Variants in PLEKHA8 observed in about 807,000 individuals in gnomAD.
PLEKHA8 encodes pleckstrin homology domain-containing family A member 8.
Under a neutral mutation model 68.2 loss-of-function variants are expected in PLEKHA8, and 36 were observed. The ratio of observed to expected loss-of-function variants is 0.53; its 90% CI spans 0.40 to 0.70. PLEKHA8 has a LOEUF of 0.70. Among genes scored for constraint, PLEKHA8 ranks in the 30% least tolerant of loss-of-function variants. PLEKHA8 has a pLI of 0.00. For synonymous variants in PLEKHA8, 211 were observed against 216.1 expected (o/e 0.98, Z 0.20); for missense variants, 505 against 615.4 (o/e 0.82, Z 1.90).
At chr7:30,090,314 A>T in exon 13 of PLEKHA8, 1 of 1,054,926 alleles carries the variant, frequency 9.5e-7, no homozygotes. Context: ...ACAATGGGGG[A>T]GTATTTCCGA....
intron 13 of PLEKHA8, among the ~76,000 whole-genome samples, chr7:30,114,292 A>G (rs1796359979): frequency 6.6e-6 from 1 of 152,182 alleles, no homozygotes; most frequent in African/African-American, 2.4e-5. Flanking sequence ...AACACACTTA[A>G]TCCTTACAAT....
chr7:30,112,410 T>C (rs1796302907), intron 13 of PLEKHA8, among the ~76,000 whole-genome samples: 1 of 151,946 alleles, frequency 6.6e-6, no homozygotes, highest in Admixed American at 6.6e-5. Flanking sequence ...AAAATACTTC[T>C]AAATGATTCA....
In PLEKHA8 at chr7:30,084,606, T is replaced by C. The variant is rs1396566815; in HGVS notation, c.*5819T>C. On this transcript the variant is annotated 3_prime_UTR_variant, in exon 14 of 14. Transcript: ENST00000449726. ...TTGCAAAAATGTTTGAAAATATCTG[T>C]CAGATTTTATATTCGTTAGTTATAA... The C allele has an allele frequency of 2.0e-5, 19 of 945,728 alleles. No homozygotes were observed. Among genetic ancestry groups the C allele is most frequent in the Non-Finnish European group, 2.4e-5 (19 of 794,140 alleles). 58.6% of individuals were successfully genotyped at this position (945,728 alleles called of 1,614,324 possible).
At chr7:30,032,681 G>A (rs1045683698) in intron 1 of PLEKHA8, among the ~76,000 whole-genome samples, 2 of 152,200 alleles carry the variant, frequency 1.3e-5, no homozygotes, top group African/African-American at 4.8e-5. Flanking sequence ...ACCTAGAATA[G>A]CAGACTATTT....
chr7:30,081,579 C>G lies in PLEKHA8; in HGVS notation c.*2792C>G. On this transcript the variant is annotated 3_prime_UTR_variant, in exon 14 of 14. Transcript: ENST00000449726. ...CCATAGCCCTCCAAGACTTCTGGGA[C>G]AACTAAATTTACTTTCACCATTACT... is the stretch of plus-strand genomic sequence containing the variant. 7 of 985,134 alleles carry G rather than the reference C, an allele frequency of 7.1e-6. No homozygotes were observed. Among genetic ancestry groups the G allele is most frequent in the Non-Finnish European group, 8.4e-6 (7 of 829,672 alleles). 61.0% of individuals were successfully genotyped at this position (985,134 alleles called of 1,614,324 possible). A position where few individuals can be genotyped will look rare whatever the true frequency, so the allele number is the denominator to read the frequency against.
chr7:30,065,265 T>C (rs1482848489), intron 12 of PLEKHA8, among the ~76,000 whole-genome samples: 1 of 152,188 alleles, frequency 6.6e-6, no homozygotes, highest in Non-Finnish European at 1.5e-5. Context: ...AAATTTGACA[T>C]TTTTGTCCTG....
intron 12 of PLEKHA8, among the ~76,000 whole-genome samples, chr7:30,067,571 C>T (rs1793941812): frequency 6.6e-6 from 1 of 152,228 alleles, no homozygotes. Flanking sequence ...CGTGTCACTC[C>T]TTAATCCCGT....
intron 9 of PLEKHA8, among the ~76,000 whole-genome samples, chr7:30,056,739 AAAAGTGT>A (rs1389326727): frequency 9.6e-5 from 9 of 93,594 alleles, no homozygotes; most frequent in East Asian, 4.0e-4. Context: ...AAAAAAAAAA[AAAAGTGT>A]GTGTGTGTGT....
chr7:30,096,683 G>T (rs1052033369), intron 13 of PLEKHA8, among the ~76,000 whole-genome samples: 3 of 152,116 alleles, frequency 2.0e-5, no homozygotes, highest in Admixed American at 6.5e-5. Context: ...TTGCTTGGTA[G>T]ATCTTCCTCC....
chr7:30,047,932 C>T lies in PLEKHA8; in HGVS notation c.414C>T (p.Thr138=). The T allele has an allele frequency of 6.3e-7, 1 of 1,595,908 alleles. No individual in the cohort carries two copies. The highest frequency in any genetic ancestry group is 8.6e-7 in the Non-Finnish European group (1 of 1,166,494). The change falls in exon 4 of 14, where the codon ACC becomes ACT. Residue 138 remains threonine (T), a synonymous_variant. Coordinates refer to ENST00000449726, the MANE Select transcript of PLEKHA8 (RefSeq NM_001197026.2). Reference sequence around the variant, plus strand: ...AAGTAGATAAAACAAAAGAAGTGACCACAACTGGTGTGTCCAATTCTGAGG... The same window carrying T: ...AAGTAGATAAAACAAAAGAAGTGACTACAACTGGTGTGTCCAATTCTGAGG... The part of the protein sequence containing the change: ...VQQVDKTKEV[T]TTGVSNSEEG...
chr7:30,115,949 CGCAT>C (rs1796492716), intron 13 of PLEKHA8: 2 of 124,222 alleles, frequency 1.6e-5, no homozygotes, highest in Admixed American at 7.7e-5. Flanking sequence ...TGCACACATA[CGCAT>C]ACATGCATGC....
At chr7:30,033,725 A>G (rs1262279306) in intron 1 of PLEKHA8, among the ~76,000 whole-genome samples, 1 of 152,128 alleles carries the variant, frequency 6.6e-6, no homozygotes, top group Non-Finnish European at 1.5e-5. Context: ...TTGAGAGACT[A>G]CCAAATAGTT....
At chr7:30,045,981 G>A (rs1791923508) in intron 2 of PLEKHA8, among the ~76,000 whole-genome samples, 1 of 152,202 alleles carries the variant, frequency 6.6e-6, no homozygotes, top group African/African-American at 2.4e-5. Context: ...TGAAGTTTTT[G>A]TGATGCCTTG....
chr7:30,082,450 G>C lies in PLEKHA8; in HGVS notation c.*3663G>C, dbSNP rs753877899. 4.0e-4 allele frequency: 391 copies of C among 985,214 alleles called. 1 individual carries two copies. Among genetic ancestry groups the C allele is most frequent in the Non-Finnish European group, 4.5e-4 (373 of 829,952 alleles). The allele number at this position is 985,214 out of a possible 1,614,324, so 61.0% of individuals were successfully genotyped here. A position where few individuals can be genotyped will look rare whatever the true frequency, so the allele number is the denominator to read the frequency against. On this transcript the variant is annotated 3_prime_UTR_variant, in exon 14 of 14. Transcript: ENST00000449726. ...GGGGATTCTGTTCCCCCACCCCCCA[G>C]ACTGCAAGAGCTTCTTAAGAAGGAG...
intron 13 of PLEKHA8, among the ~76,000 whole-genome samples, chr7:30,114,332 C>G (rs1371100742): frequency 6.6e-6 from 1 of 152,196 alleles, no homozygotes; most frequent in East Asian, 1.9e-4. Context: ...CATTAGTATA[C>G]CTACTTTACA....
In PLEKHA8 at chr7:30,082,437, C is replaced by CACA; in HGVS notation, c.*3650_*3651insACA. ...GTGCCTGATCAGTGGGGATTCTGTT[C>CACA]CCCCACCCCCCAGACTGCAAGAGCT... On this transcript the variant is annotated 3_prime_UTR_variant, in exon 14 of 14. Coordinates refer to ENST00000449726, the MANE Select transcript of PLEKHA8 (RefSeq NM_001197026.2). The CACA allele has an allele frequency of 1.0e-6, 1 of 985,208 alleles. No individual in the cohort carries two copies. The highest frequency in any genetic ancestry group is 1.2e-6 in the Non-Finnish European group (1 of 829,864). 61.0% of individuals were successfully genotyped at this position (985,208 alleles called of 1,614,324 possible).
At chr7:30,036,407 A>ATAGAATAG (rs1791083481) in intron 1 of PLEKHA8, among the ~76,000 whole-genome samples, 1 of 143,312 alleles carries the variant, frequency 7.0e-6, no homozygotes, top group African/African-American at 2.7e-5. Context: ...GATAGGATAG[A>ATAGAATAG]ATAGATAGAT....
chr7:30,123,898 G>A (rs1562562553), intron 13 of PLEKHA8, among the ~76,000 whole-genome samples: 1 of 152,186 alleles, frequency 6.6e-6, no homozygotes, highest in East Asian at 1.9e-4. Flanking sequence ...TGACTTTCTA[G>A]TATATGCAAC....
intron 1 of PLEKHA8, among the ~76,000 whole-genome samples, chr7:30,042,706 A>G (rs1264566471): frequency 3.3e-5 from 5 of 152,142 alleles, no homozygotes; most frequent in African/African-American, 1.2e-4. Context: ...TGGTTTCCTT[A>G]TCTATAAAAT....
Sources: allele counts gnomAD v4.1 joint callset (sites outside exome capture counted in the v4.1 genomes callset), GRCh38; gene constraint gnomAD v4.1.1; transcripts MANE v1.5; gene names NCBI Gene and HGNC (gene_info 2026-07-23, HGNC 2026-07-21).